TRPS1: variants seen among roughly 807,000 people sequenced by gnomAD.
TRPS1 encodes transcriptional repressor GATA binding 1.
In TRPS1, 6 loss-of-function variants were observed where a neutral mutation model predicts 101.2. That is an observed-to-expected ratio of 0.06 (90% CI 0.03 to 0.12). The LOEUF is 0.12. Ranked by LOEUF, TRPS1 falls within the 10% of genes least tolerant of loss-of-function variation. The pLI is 1.00. For synonymous variants in TRPS1, 578 were observed against 589.8 expected, an observed-to-expected ratio of 0.98 and a Z score of 0.29; for missense variants, 1,363 against 1,567.0, an observed-to-expected ratio of 0.87 and a Z score of 2.20.
At chr8:115,653,196 A>G (rs887508523) in intron 1 of TRPS1, among the ~76,000 whole-genome samples, 1 of 152,220 alleles carries the variant, frequency 6.6e-6, no homozygotes, top group African/African-American at 2.4e-5. Flanking sequence ...TAAAAAATAA[A>G]TAACATTAAC....
chr8:115,472,325 G>T (rs1814492546), intron 5 of TRPS1, among the ~76,000 whole-genome samples: 1 of 152,212 alleles, frequency 6.6e-6, no homozygotes, highest in Admixed American at 6.5e-5. Flanking sequence ...TGCACCCTCT[G>T]AAGCAACAGC....
At chr8:115,616,915 G>A (rs960334447) in intron 3 of TRPS1, among the ~76,000 whole-genome samples, 2 of 152,024 alleles carry the variant, frequency 1.3e-5, no homozygotes, top group Non-Finnish European at 1.5e-5. Context: ...TTTCAGATGC[G>A]TTTTTATTCA....
chr8:115,617,340 G>C (rs1413738870), intron 3 of TRPS1, among the ~76,000 whole-genome samples: 1 of 152,140 alleles, frequency 6.6e-6, no homozygotes, highest in Non-Finnish European at 1.5e-5. Context: ...TTCAAACTCA[G>C]ATAGCTCACA....
In TRPS1 at chr8:115,419,894, C is replaced by T. The variant is rs527408669; in HGVS notation, c.2701-1442G>A. 1.2e-4 allele frequency among the ~76,000 whole-genome samples: 19 copies of T among 152,240 alleles called. No homozygotes were observed. In the South Asian group the frequency reaches 3.7e-3, roughly 30 times the overall value. ...CCTGCTCACTCTAACATTCGACATCCTCCATTAATCATCAATACAAGGAAA... is the reference window on the plus strand; with the variant it reads ...CCTGCTCACTCTAACATTCGACATCTTCCATTAATCATCAATACAAGGAAA... On this transcript the variant is annotated intron_variant, in intron 5 of 6. Coordinates refer to ENST00000395715, the MANE Select transcript of TRPS1 (RefSeq NM_014112.5).
chr8:115,528,889 T>G (rs1449339023), intron 5 of TRPS1, among the ~76,000 whole-genome samples: 1 of 152,006 alleles, frequency 6.6e-6, no homozygotes, highest in East Asian at 1.9e-4. Flanking sequence ...TATTTCAAAA[T>G]AGAATGTGAG....
intron 5 of TRPS1, among the ~76,000 whole-genome samples, chr8:115,524,611 A>C (rs1333581480): frequency 1.3e-5 from 2 of 151,638 alleles, no homozygotes; most frequent in Non-Finnish European, 2.9e-5. Context: ...GAGCCACCAC[A>C]CCCAGCATTT....
At chr8:115,556,276 G>C (rs1422203577) in intron 5 of TRPS1, among the ~76,000 whole-genome samples, 1 of 152,102 alleles carries the variant, frequency 6.6e-6, no homozygotes, top group Non-Finnish European at 1.5e-5. Context: ...CAGAGAAACT[G>C]ATGGCAAAGA....
intron 5 of TRPS1, among the ~76,000 whole-genome samples, chr8:115,446,732 C>G (rs932590823): frequency 5.9e-5 from 9 of 152,038 alleles, no homozygotes; most frequent in Non-Finnish European, 1.3e-4. Context: ...AATCATGAAC[C>G]CAGAAAAGTT....
chr8:115,434,100 A>T (rs1813390831), intron 5 of TRPS1, among the ~76,000 whole-genome samples: 1 of 22,246 alleles, frequency 4.5e-5, no homozygotes, highest in East Asian at 1.2e-3. Context: ...TTAGCCCAGG[A>T]TATCCATTCA....
intron 1 of TRPS1, among the ~76,000 whole-genome samples, chr8:115,645,930 C>T (rs1819014702): frequency 6.6e-6 from 1 of 152,012 alleles, no homozygotes; most frequent in African/African-American, 2.4e-5. Context: ...CTGAGCTAGC[C>T]TTTTGGGATA....
At position 115,575,550 on chromosome 8, in the gene TRPS1, T is replaced by C. The variant is rs1056074019; in HGVS notation, c.2700+11451A>G. Among the ~76,000 whole-genome samples, 6 of 152,234 alleles carry C rather than the reference T, an allele frequency of 3.9e-5. No homozygotes were observed. The South Asian group carries it at 6.2e-4, about 16-fold the overall frequency. ...TGAACATATATCTTGATAGGAAAGATAATGCCAAGAAATCCTAATTTAACA... is the reference window on the plus strand; with the variant it reads ...TGAACATATATCTTGATAGGAAAGACAATGCCAAGAAATCCTAATTTAACA... On this transcript the variant is annotated intron_variant, in intron 5 of 6. Coordinates refer to ENST00000395715, the MANE Select transcript of TRPS1 (RefSeq NM_014112.5).
intron 5 of TRPS1, among the ~76,000 whole-genome samples, chr8:115,492,782 C>T (rs1447764208): frequency 2.6e-5 from 4 of 151,982 alleles, no homozygotes; most frequent in African/African-American, 9.7e-5. Context: ...GGCAAGATCT[C>T]GGCTCACTGC....
intron 5 of TRPS1, among the ~76,000 whole-genome samples, chr8:115,538,918 A>C (rs1050606510): frequency 5.9e-5 from 9 of 152,200 alleles, no homozygotes; most frequent in African/African-American, 2.2e-4. Context: ...CAACCTCTCC[A>C]ACATAATATC....
At chr8:115,548,297 CCAAAT>C (rs939204247) in intron 5 of TRPS1, among the ~76,000 whole-genome samples, 5 of 151,984 alleles carry the variant, frequency 3.3e-5, no homozygotes, top group African/African-American at 1.2e-4. Flanking sequence ...ATTTTAGAAA[CCAAAT>C]CAACAACATT....
chr8:115,561,469 T>TG (rs1226382306), intron 5 of TRPS1, among the ~76,000 whole-genome samples: 1 of 139,472 alleles, frequency 7.2e-6, no homozygotes, highest in African/African-American at 3.4e-5. Flanking sequence ...CTTAATCTTG[T>TG]GTTTTTTTTT....
rs139297109 is a variant in TRPS1, at chr8:115,574,243, T to A, written c.2700+12758A>T. 1.9e-3 allele frequency among the ~76,000 whole-genome samples: 296 copies of A among 152,260 alleles called. 1 individual carries two copies. Among genetic ancestry groups the A allele is most frequent in the African/African-American group, 6.7e-3 (279 of 41,554 alleles). On this transcript the variant is annotated intron_variant, in intron 5 of 6. Transcript: ENST00000395715. ...ATCAGGAATTAACTCCACAAAGTTATCCTCTGCTTTTTCTATTTCTATTTC... is the reference window on the plus strand; with the variant it reads ...ATCAGGAATTAACTCCACAAAGTTAACCTCTGCTTTTTCTATTTCTATTTC...
At position 115,587,085 on chromosome 8, in the gene TRPS1, G is replaced by T. The variant is rs570947128; in HGVS notation, c.2616C>A (p.Gly872=). The T allele has an allele frequency of 5.6e-6, 9 of 1,614,056 alleles. No homozygotes were observed. In the South Asian group the frequency reaches 9.9e-5, roughly 18 times the overall value. Residue 872 remains glycine (G), a synonymous_variant, in exon 5 of 7, where the codon GGC becomes GGA. Coordinates refer to ENST00000395715, the MANE Select transcript of TRPS1 (RefSeq NM_014112.5). ...GGGGGAGGGCCCCAGACTTCTCTCC[G>T]CCAGCTGGCGCCCCCTGCAGGAATC... ...TKGFLQGAPA[G]GEKSGALPQQ... is the part of the protein sequence containing the mutation.
chr8:115,414,399 C>T lies in TRPS1; in HGVS notation c.3509G>A (p.Gly1170Glu), dbSNP rs780181853. ...FNLPPHFSAVGSDNDIPLDLA... is the reference protein window; with the variant it reads ...FNLPPHFSAVESDNDIPLDLA... ...ATCTAGAGGAATGTCATTGTCTGAT[C>T]CAACAGCTGAAAAATGAGGAGGCAG... The change falls in exon 7 of 7, where the codon GGA (glycine) becomes GAA (glutamate). Residue 1170 changes from glycine (G) to glutamate (E), a missense_variant. Transcript: ENST00000395715. The surrounding 1 kb of genome is among the most constrained non-coding windows in gnomAD (Gnocchi z 4.8). The T allele has an allele frequency of 4.3e-6, 7 of 1,613,792 alleles. No homozygotes were observed. The highest frequency in any genetic ancestry group is 2.7e-5 in the African/African-American group (2 of 74,876).
rs774826318 is a variant in TRPS1 at position 115,604,854 on chromosome 8, G to A, written c.1115C>T (p.Pro372Leu). The A allele has an allele frequency of 6.2e-7, 1 of 1,614,042 alleles. No homozygotes were observed. The highest frequency in any genetic ancestry group is 1.6e-4 in the Middle Eastern group (1 of 6,062). ...GGGGAGAGAAGCTTTTATTTTGTTT[G>A]GGTGAGTCTGAAGAAAATGTTGTTC... ...ELEQHFLQTH[P>L]NKIKASLPSS... is the part of the protein sequence containing the mutation. Residue 372 changes from proline (P) to leucine (L), a missense_variant, in exon 4 of 7, where the codon CCA (proline) becomes CTA (leucine). Physicochemically the swap from Pro to Leu is moderately conservative, Grantham distance 98. Coordinates refer to ENST00000395715, the MANE Select transcript of TRPS1 (RefSeq NM_014112.5). The surrounding 1 kb of genome is among the most constrained non-coding windows in gnomAD (Gnocchi z 4.1).
Sources: allele counts gnomAD v4.1 joint callset (sites outside exome capture counted in the v4.1 genomes callset), GRCh38; gene constraint gnomAD v4.1.1; non-coding constraint Gnocchi (gnomAD v3.1); transcripts MANE v1.5; gene names NCBI Gene and HGNC (gene_info 2026-07-23, HGNC 2026-07-21).